ZDHHC14: variants seen among roughly 807,000 people sequenced by gnomAD.
ZDHHC14 encodes zDHHC palmitoyltransferase 14.
ZDHHC14 carries 16 observed loss-of-function variants against 47.7 expected under a neutral mutation model. That is an observed-to-expected ratio of 0.34 (90% confidence interval 0.23 to 0.51). The LOEUF (loss-of-function observed/expected upper bound fraction) is 0.51, where lower values mean the gene tolerates loss of function less well. Among genes scored for constraint, ZDHHC14 ranks in the 20% least tolerant of loss-of-function variants. ZDHHC14 has a pLI of 0.97. For synonymous variants in ZDHHC14, 293 were observed against 278.9 expected, an observed-to-expected ratio of 1.05 and a Z score of -0.50; for missense variants, 515 against 662.5, an observed-to-expected ratio of 0.78 and a Z score of 2.44.
At chr6:157,513,022 C>T (rs1026008583) in intron 1 of ZDHHC14, among the ~76,000 whole-genome samples, 1 of 152,180 alleles carries the variant, frequency 6.6e-6, no homozygotes, top group Non-Finnish European at 1.5e-5. Flanking sequence ...GCATGTGTAT[C>T]ACTCTCATAT....
chr6:157,639,863 C>T (rs1777164100), intron 5 of ZDHHC14, among the ~76,000 whole-genome samples: 1 of 152,126 alleles, frequency 6.6e-6, no homozygotes, highest in South Asian at 2.1e-4. Context: ...GATATGTTTA[C>T]AAAAAGAATC....
chr6:157,514,972 C>T (rs1375285106), intron 1 of ZDHHC14, among the ~76,000 whole-genome samples: 1 of 152,172 alleles, frequency 6.6e-6, no homozygotes, highest in Admixed American at 6.5e-5. Flanking sequence ...GTGTTTGCAT[C>T]GGGGCCTTAC....
At chr6:157,404,827 C>T (rs965455202) in intron 1 of ZDHHC14, among the ~76,000 whole-genome samples, 1 of 152,028 alleles carries the variant, frequency 6.6e-6, no homozygotes, top group Non-Finnish European at 1.5e-5. Flanking sequence ...TTTTAGTTTG[C>T]TTGTTTATAT....
chr6:157,524,304 T>C (rs368283728), intron 1 of ZDHHC14, among the ~76,000 whole-genome samples: 18 of 151,878 alleles, frequency 1.2e-4, no homozygotes, highest in African/African-American at 3.6e-4. Flanking sequence ...TGGCTAATTT[T>C]TGTATTTTTA....
intron 1 of ZDHHC14, among the ~76,000 whole-genome samples, chr6:157,467,518 TA>T (rs1779248446): frequency 5.0e-5 from 2 of 39,688 alleles, no homozygotes; most frequent in South Asian, 1.3e-3. Context: ...TTCCTCATTT[TA>T]TTTATTTATT....
Position 157,574,071 on chromosome 6 carries a change from AT to A in ZDHHC14, c.407-18916del, listed in dbSNP as rs538954793. 4.1e-4 allele frequency among the ~76,000 whole-genome samples: 63 copies of A among 151,928 alleles called. 1 individual carries two copies. The highest frequency in any genetic ancestry group is 1.3e-3 in the African/African-American group (54 of 41,400). ...TTGGGTTTTCCCAAATGTGTTTGGC[AT>A]GGACTAAATGACTCAACAACACCAC... On this transcript the variant is annotated intron_variant, in intron 2 of 8. Coordinates refer to ENST00000359775, the MANE Select transcript of ZDHHC14 (RefSeq NM_024630.3).
chr6:157,469,957 G>A (rs1779315674), intron 1 of ZDHHC14, among the ~76,000 whole-genome samples: 1 of 152,188 alleles, frequency 6.6e-6, no homozygotes, highest in East Asian at 1.9e-4. Flanking sequence ...AAGGACCCAG[G>A]CCCACCACTC....
At position 157,427,675 on chromosome 6, in the gene ZDHHC14, T is replaced by C. The variant is rs1778249056; in HGVS notation, c.245+45409T>C. 6.6e-6 allele frequency among the ~76,000 whole-genome samples: 1 copy of C among 152,038 alleles called. No homozygotes were observed. Among genetic ancestry groups the C allele is most frequent in the Admixed American group, 6.5e-5 (1 of 15,274 alleles). ...GAACGTGAGTATTGAGATGTCGGCA[T>C]GGGAGGTGGCTTGGATTTTCTTTTC... On this transcript the variant is annotated intron_variant, in intron 1 of 8. Coordinates refer to ENST00000359775, the MANE Select transcript of ZDHHC14 (RefSeq NM_024630.3). This position sits in a 1 kb window ranked among gnomAD's most constrained non-coding sequence, Gnocchi z 4.4.
At chr6:157,553,127 A>G (rs1782311790) in intron 2 of ZDHHC14, among the ~76,000 whole-genome samples, 1 of 152,124 alleles carries the variant, frequency 6.6e-6, no homozygotes, top group Non-Finnish European at 1.5e-5. Flanking sequence ...TACTAAAAGG[A>G]AGCCTCAGGG....
At chr6:157,626,349 G>A (rs962400284) in intron 3 of ZDHHC14, among the ~76,000 whole-genome samples, 3 of 152,106 alleles carry the variant, frequency 2.0e-5, no homozygotes, top group African/African-American at 7.2e-5. Context: ...AAGAAAAGTG[G>A]TTTCTCAAAA....
intron 1 of ZDHHC14, among the ~76,000 whole-genome samples, chr6:157,478,576 C>A (rs993357350): frequency 3.3e-5 from 5 of 152,102 alleles, no homozygotes; most frequent in Non-Finnish European, 5.9e-5. Flanking sequence ...TAGCCTTGTC[C>A]ACACACAAGA....
intron 2 of ZDHHC14, among the ~76,000 whole-genome samples, chr6:157,565,865 A>G (rs2114848608): frequency 6.6e-6 from 1 of 151,896 alleles, no homozygotes; most frequent in South Asian, 2.1e-4. Context: ...GACCCAAAAC[A>G]GATAGGAACC....
chr6:157,662,550 A>G (rs1248971727), intron 8 of ZDHHC14, among the ~76,000 whole-genome samples: 1 of 152,282 alleles, frequency 6.6e-6, no homozygotes, highest in Non-Finnish European at 1.5e-5. Context: ...CGCACACAGG[A>G]GGCTCATAAC....
rs950248666 is a variant in ZDHHC14, at chr6:157,472,376, C to T, written c.246-70209C>T. 3.9e-5 allele frequency among the ~76,000 whole-genome samples: 6 copies of T among 152,116 alleles called. No homozygotes were observed. The South Asian group carries it at 1.0e-3, about 26-fold the overall frequency. ...TCCATGTGGAGGACTGGGATGGTCCCTCCACAGGGAGATAAATGTTTATCC... is the reference window on the plus strand; with the variant it reads ...TCCATGTGGAGGACTGGGATGGTCCTTCCACAGGGAGATAAATGTTTATCC... On this transcript the variant is annotated intron_variant, in intron 1 of 8. Coordinates refer to ENST00000359775, the MANE Select transcript of ZDHHC14 (RefSeq NM_024630.3).
chr6:157,552,400 T>C (rs1782270521), intron 2 of ZDHHC14, among the ~76,000 whole-genome samples: 1 of 151,970 alleles, frequency 6.6e-6, no homozygotes, highest in African/African-American at 2.4e-5. Flanking sequence ...GTGGATGTGC[T>C]GGGCGTGAGG....
chr6:157,499,795 T>A (rs2114737034), intron 1 of ZDHHC14, among the ~76,000 whole-genome samples: 1 of 152,280 alleles, frequency 6.6e-6, no homozygotes, highest in East Asian at 1.9e-4. Context: ...GAAGTAGGGA[T>A]GTGTTTGAAT....
At chr6:157,457,026 T>TAAATAAATAAATAAATAAATAAATAG in intron 1 of ZDHHC14, among the ~76,000 whole-genome samples, 1 of 107,340 alleles carries the variant, frequency 9.3e-6, no homozygotes, top group Non-Finnish European at 2.1e-5. Context: ...TAAATAAATA[T>TAAATAAATAAATAAATAAATAAATAG]TAGCCAGGTG....
chr6:157,475,067 A>G (rs1461174226), intron 1 of ZDHHC14, among the ~76,000 whole-genome samples: 5 of 152,186 alleles, frequency 3.3e-5, no homozygotes, highest in African/African-American at 1.2e-4. Context: ...TGTATATGGC[A>G]TAGATGAGAG....
chr6:157,453,773 A>ATTGTT (rs1778852987), intron 1 of ZDHHC14, among the ~76,000 whole-genome samples: 1 of 119,212 alleles, frequency 8.4e-6, no homozygotes, highest in African/African-American at 3.9e-5. Flanking sequence ...TTCTAAGGCC[A>ATTGTT]TTGTTTTTTG....
Sources: gnomAD v4.1 joint callset for allele counts (sites outside exome capture counted in the v4.1 genomes callset) on GRCh38, gnomAD v4.1.1 for gene constraint, Gnocchi (gnomAD v3.1) non-coding constraint, MANE v1.5 for transcripts, NCBI Gene and HGNC (gene_info 2026-07-23, HGNC 2026-07-21) for gene names.